Variants in CACUL1 observed in about 807,000 individuals in gnomAD.
CACUL1 encodes the protein CDK2 associated cullin domain 1, also known as CDK2-associated and cullin domain-containing protein 1.
A neutral mutation model predicts 45.2 loss-of-function variants in CACUL1; 13 were observed. The ratio of observed to expected loss-of-function variants is 0.29; its 90% CI spans 0.19 to 0.46. The LOEUF (loss-of-function observed/expected upper bound fraction) is 0.46, where lower values mean the gene tolerates loss of function less well. Among genes scored for constraint, CACUL1 ranks in the 20% least tolerant of loss-of-function variants. CACUL1 has a pLI of 1.00. For synonymous variants in CACUL1, 197 were observed against 174.2 expected (o/e 1.13, Z -1.03); for missense variants, 421 against 471.4 (o/e 0.89, Z 0.99).
intron 1 of CACUL1, among the ~76,000 whole-genome samples, chr10:118,751,665 T>C (rs1177324264): frequency 1.3e-5 from 2 of 152,212 alleles, no homozygotes; most frequent in African/African-American, 4.8e-5. Flanking sequence ...TAAGATTGAT[T>C]CTGTTATTCA....
chr10:118,706,858 T>C (rs1845437016), intron 4 of CACUL1, among the ~76,000 whole-genome samples: 2 of 152,234 alleles, frequency 1.3e-5, no homozygotes, highest in African/African-American at 4.8e-5. Context: ...TTAAGATTGC[T>C]ATCCACATAC....
At chr10:118,702,630 G>A (rs1425470210) in intron 4 of CACUL1, among the ~76,000 whole-genome samples, 4 of 149,316 alleles carry the variant, frequency 2.7e-5, no homozygotes, top group Admixed American at 2.7e-4. Flanking sequence ...TGCCCAGGCT[G>A]GAGTGCAATG....
chr10:118,746,150 T>TC (rs1845841339), intron 1 of CACUL1, among the ~76,000 whole-genome samples: 3 of 99,878 alleles, frequency 3.0e-5, no homozygotes, highest in Non-Finnish European at 4.0e-5. Context: ...AGACACTGTC[T>TC]CAAAAAAAAA....
At chr10:118,721,549 A>G (rs1019670331) in intron 3 of CACUL1, among the ~76,000 whole-genome samples, 1 of 152,150 alleles carries the variant, frequency 6.6e-6, no homozygotes, top group Non-Finnish European at 1.5e-5. Flanking sequence ...GCCTTATTTG[A>G]GATAAAAATT....
intron 8 of CACUL1, 26 bp from the exon 9 acceptor site, chr10:118,686,194 A>C: frequency 8.8e-6 from 14 of 1,594,104 alleles, no homozygotes; most frequent in Non-Finnish European, 1.2e-5. Context: ...AATAGGAAAA[A>C]GTATGAAGAG....
chr10:118,703,358 T>C (rs934361325), intron 4 of CACUL1, among the ~76,000 whole-genome samples: 8 of 152,166 alleles, frequency 5.3e-5, no homozygotes, highest in African/African-American at 1.9e-4. Flanking sequence ...CACTGCATTG[T>C]ACCCTGCTTT....
Position 118,754,426 on chromosome 10 carries a change from T to G in CACUL1, c.337A>C (p.Ile113Leu). ...TTGGAGGTGGAGGTGTTGATGTTGA[T>G]GGTGGAGCTGGCGGTGGGGGCGGGG... ...AAPAPTASSTININTSTSKFL... is the reference protein window; with the variant it reads ...AAPAPTASSTLNINTSTSKFL... The change falls in exon 1 of 9, where the codon ATC becomes CTC. Residue 113 changes from isoleucine (I) to leucine (L), a missense_variant. This residue lies in a region of CACUL1 where 213 missense variants were observed against 173.1 expected (regional missense o/e 1.23). Coordinates refer to ENST00000369151, the MANE Select transcript of CACUL1 (RefSeq NM_153810.5). 5 of 1,595,508 alleles carry G rather than the reference T, an allele frequency of 3.1e-6. No individual in the cohort carries two copies. The highest frequency in any genetic ancestry group is 4.3e-6 in the Non-Finnish European group (5 of 1,172,186).
At chr10:118,699,265 A>T (rs1845353601) in intron 5 of CACUL1, among the ~76,000 whole-genome samples, 1 of 152,328 alleles carries the variant, frequency 6.6e-6, no homozygotes, top group East Asian at 1.9e-4. Flanking sequence ...GTATCTGATA[A>T]ACTCAGTTTT....
At chr10:118,726,754 AC>A (rs1845654979) in intron 3 of CACUL1, among the ~76,000 whole-genome samples, 2 of 152,188 alleles carry the variant, frequency 1.3e-5, no homozygotes, top group South Asian at 4.1e-4. Context: ...TCGAGAAAAT[AC>A]CTTACACCTT....
At position 118,701,344 on chromosome 10, in the gene CACUL1, G is replaced by T; in HGVS notation, c.758C>A (p.Thr253Lys). Residue 253 changes from threonine (T) to lysine (K), a missense_variant, in exon 5 of 9, where the codon ACG (threonine) becomes AAG (lysine). Physicochemically the swap from Thr to Lys is moderately conservative, Grantham distance 78. Transcript: ENST00000369151. Reference protein sequence around the residue: ...DLKDDLIKLFTEHVAEKHIYS... With the variant: ...DLKDDLIKLFKEHVAEKHIYS... Reference sequence around the variant, plus strand: ...AATGTGCTTTTCTGCAACATGTTCCGTAAACAGCTTTATAAGGTCATCTTT... The same window carrying T: ...AATGTGCTTTTCTGCAACATGTTCCTTAAACAGCTTTATAAGGTCATCTTT... 6.4e-7 allele frequency: 1 copy of T among 1,573,388 alleles called. No homozygotes were observed. The highest frequency in any genetic ancestry group is 8.7e-7 in the Non-Finnish European group (1 of 1,150,584).
Position 118,695,247 on chromosome 10 carries a change from G to C in CACUL1, c.797-17C>G. The C allele has an allele frequency of 7.0e-7, 1 of 1,438,046 alleles. No homozygotes were observed. The highest frequency in any genetic ancestry group is 9.8e-7 in the Non-Finnish European group (1 of 1,020,126). The allele number at this position is 1,438,046 out of a possible 1,614,324, so 89.1% of individuals were successfully genotyped here. ...AAAGTAAAGCTGAAATAAGAAAACA[G>C]GTTAAAAAGAATGTAACACATATTG... is the stretch of plus-strand genomic sequence containing the variant. On this transcript the variant is annotated splice_polypyrimidine_tract_variant and intron_variant, in intron 5 of 8. Coordinates refer to ENST00000369151, the MANE Select transcript of CACUL1 (RefSeq NM_153810.5).
intron 3 of CACUL1, among the ~76,000 whole-genome samples, chr10:118,724,561 AAT>A (rs1845634921): frequency 6.6e-6 from 1 of 152,194 alleles, no homozygotes; most frequent in African/African-American, 2.4e-5. Context: ...AGCTGTGATT[AAT>A]TAAGGAAAGC....
At chr10:118,701,279 C>G (rs771025145) in intron 5 of CACUL1, 27 bp downstream of exon 5, 74 of 1,257,370 alleles carry the variant, frequency 5.9e-5, no homozygotes, top group Non-Finnish European at 8.0e-5. Flanking sequence ...CTAGTGTTAT[C>G]TCACCCGTAT....
chr10:118,722,587 A>G (rs1179060866), intron 3 of CACUL1, among the ~76,000 whole-genome samples: 1 of 152,196 alleles, frequency 6.6e-6, no homozygotes, highest in Admixed American at 6.5e-5. Context: ...TTATCATAGC[A>G]AATGTTCAAA....
chr10:118,719,925 T>C (rs17097984), intron 3 of CACUL1, among the ~76,000 whole-genome samples: 3,275 of 152,282 alleles, frequency 0.022, 208 homozygotes, highest in East Asian at 0.19. Flanking sequence ...AAAATAGTGA[T>C]ATAGAAGGTA....
intron 6 of CACUL1, chr10:118,694,914 T>C: frequency 2.6e-6 from 1 of 380,000 alleles, no homozygotes; most frequent in Non-Finnish European, 5.0e-6. Context: ...ATTTCTTGTA[T>C]TTCCCTCACA....
chr10:118,690,454 C>CT (rs1473990749), intron 7 of CACUL1, among the ~76,000 whole-genome samples: 1 of 151,978 alleles, frequency 6.6e-6, no homozygotes, highest in African/African-American at 2.4e-5. Flanking sequence ...AAAATGCACT[C>CT]TGCAAGATTT....
rs944400650 is a variant in CACUL1, at chr10:118,683,578, C to T, written c.*2550G>A. 1 of 152,088 alleles carries T rather than the reference C, an allele frequency of 6.6e-6. No homozygotes were observed. The highest frequency in any genetic ancestry group is 1.9e-4 in the East Asian group (1 of 5,196). The allele number at this position is 152,088 out of a possible 1,614,324, so 9.4% of individuals were successfully genotyped here. A position where few individuals can be genotyped will look rare whatever the true frequency, so the allele number is the denominator to read the frequency against. On this transcript the variant is annotated 3_prime_UTR_variant, in exon 9 of 9. Transcript: ENST00000369151. The stretch of plus-strand genomic sequence containing the variant: ...GGCGTAGTGGCACGTGCCTGTAATT[C>T]CAGCTACTCAGGAGGCCGAGGCAGG...
chr10:118,727,154 C>A (rs1361767113), intron 3 of CACUL1, among the ~76,000 whole-genome samples: 1 of 151,918 alleles, frequency 6.6e-6, no homozygotes, highest in Non-Finnish European at 1.5e-5. Context: ...TTTGGGAGGC[C>A]GAGGCTGGCA....
Sources: allele counts gnomAD v4.1 joint callset (sites outside exome capture counted in the v4.1 genomes callset), GRCh38; gene constraint gnomAD v4.1.1; regional missense constraint gnomAD v4.1.1; transcripts MANE v1.5; gene names NCBI Gene and HGNC (gene_info 2026-07-23, HGNC 2026-07-21).